ERCC2: variants seen among roughly 807,000 people sequenced by gnomAD.
ERCC2 encodes the protein ERCC excision repair 2, TFIIH core complex helicase subunit.
Under a neutral mutation model 99.4 loss-of-function variants are expected in ERCC2, and 90 were observed. The ratio of observed to expected loss-of-function variants is 0.91; its 90% CI spans 0.76 to 1.08. ERCC2 has a LOEUF of 1.08. ERCC2 is among the 50% of genes least tolerant of loss of function. ERCC2 has a pLI of 0.00. For synonymous variants in ERCC2, 497 were observed against 432.4 expected (o/e 1.15, Z -1.85); for missense variants, 993 against 1,038.1 (o/e 0.96, Z 0.60).
At chr19:45,357,589 G>T in intron 13 of ERCC2, 41 bp downstream of exon 13, 1 of 1,613,450 alleles carries the variant, frequency 6.2e-7, no homozygotes, top group South Asian at 1.1e-5. Context: ...CTGGGCCCCC[G>T]ACCCACAGAG....
At chr19:45,366,461 C>T (rs1161210492) in intron 5 of ERCC2, among the ~76,000 whole-genome samples, 2 of 152,120 alleles carry the variant, frequency 1.3e-5, no homozygotes, top group Non-Finnish European at 2.9e-5. Flanking sequence ...TATTTTAAAA[C>T]AATAAGCCTG....
At chr19:45,363,716 C>T (rs775388648) in intron 11 of ERCC2, 27 bp downstream of exon 11, 3 of 1,523,224 alleles carry the variant, frequency 2.0e-6, no homozygotes, top group African/African-American at 1.4e-5. Context: ...GCCGGGCCCC[C>T]ACCCCGCGCG....
intron 16 of ERCC2, 71 bp from the exon 17 acceptor site, chr19:45,354,922 G>C: frequency 6.2e-7 from 1 of 1,603,030 alleles, no homozygotes; most frequent in South Asian, 1.1e-5. Flanking sequence ...AGAACTAGGA[G>C]TTTCTGGAAA....
chr19:45,355,474 A>G (rs1568534626), intron 16 of ERCC2, among the ~76,000 whole-genome samples, 191 bp downstream of exon 16: 2 of 152,246 alleles, frequency 1.3e-5, no homozygotes, highest in African/African-American at 2.4e-5. Context: ...CCAGCGGTGG[A>G]GGTTCCCAGG....
intron 11 of ERCC2, among the ~76,000 whole-genome samples, chr19:45,363,261 C>T (rs1285249499): frequency 6.6e-6 from 1 of 152,142 alleles, no homozygotes; most frequent in East Asian, 1.9e-4. Context: ...AGATTAGAGG[C>T]ATCGGTGGGA....
chr19:45,363,395 T>C (rs976920146), intron 11 of ERCC2, among the ~76,000 whole-genome samples: 5 of 152,108 alleles, frequency 3.3e-5, no homozygotes, highest in African/African-American at 7.2e-5. Flanking sequence ...ACTCCCTCCC[T>C]GCCGCTGTGG....
In ERCC2 at chr19:45,352,182, G is replaced by T; in HGVS notation, c.2190+27C>A. ...TGGAGGAGAAGCTCAGCCTGGGAGGGTGCCGGGAGGGGGACGCAGGCCTCA... is the reference window on the plus strand; with the variant it reads ...TGGAGGAGAAGCTCAGCCTGGGAGGTTGCCGGGAGGGGGACGCAGGCCTCA... On this transcript the variant is annotated intron_variant, in intron 22 of 22. Coordinates refer to ENST00000391945, the MANE Select transcript of ERCC2 (RefSeq NM_000400.4). The T allele has an allele frequency of 2.5e-6, 4 of 1,611,992 alleles. No individual in the cohort carries two copies. In the South Asian group the frequency reaches 4.4e-5, roughly 18 times the overall value.
Position 45,350,845 on chromosome 19 carries a change from C to T in ERCC2, c.*784G>A. On this transcript the variant is annotated 3_prime_UTR_variant, in exon 23 of 23. Coordinates refer to ENST00000391945, the MANE Select transcript of ERCC2 (RefSeq NM_000400.4). Reference sequence around the variant, plus strand: ...TCTTGCTCAAGAACCTTCCATGGCTCCCATCTCCCCTGTGATACACACAGA... The same window carrying T: ...TCTTGCTCAAGAACCTTCCATGGCTTCCATCTCCCCTGTGATACACACAGA... 1 of 1,318,344 alleles carries T rather than the reference C, an allele frequency of 7.6e-7. No individual in the cohort carries two copies. The highest frequency in any genetic ancestry group is 1.1e-6 in the Non-Finnish European group (1 of 931,264). The allele number at this position is 1,318,344 out of a possible 1,614,324, so 81.7% of individuals were successfully genotyped here.
At position 45,352,660 on chromosome 19, in the gene ERCC2, G is replaced by A. The variant is rs370777762; in HGVS notation, c.1903-11C>T. ...GTATTCCAGCCGCGCCTGCAGATACGGAGGATGAGAAGCTGGGGAGGTGGG... is the reference window on the plus strand; with the variant it reads ...GTATTCCAGCCGCGCCTGCAGATACAGAGGATGAGAAGCTGGGGAGGTGGG... On this transcript the variant is annotated splice_polypyrimidine_tract_variant and intron_variant, in intron 20 of 22. Transcript: ENST00000391945. 157 of 1,613,866 alleles carry A rather than the reference G, an allele frequency of 9.7e-5. No homozygotes were observed. The highest frequency in any genetic ancestry group is 8.4e-4 in the African/African-American group (63 of 74,920).
In ERCC2 at chr19:45,350,629, G is replaced by GC. The variant is rs776818817; in HGVS notation, c.*999dup. 2.5e-6 allele frequency: 4 copies of GC among 1,613,134 alleles called. No homozygotes were observed. Among genetic ancestry groups the GC allele is most frequent in the Non-Finnish European group, 3.4e-6 (4 of 1,179,302 alleles). ...CCTGGGGGACTGAGCAGCATCCCCGGCCCCTCCCCAGGCCCTTCGCCGCAG... is the reference window on the plus strand; with the variant it reads ...CCTGGGGGACTGAGCAGCATCCCCGGCCCCCTCCCCAGGCCCTTCGCCGCAG... On this transcript the variant is annotated 3_prime_UTR_variant, in exon 23 of 23. Coordinates refer to ENST00000391945, the MANE Select transcript of ERCC2 (RefSeq NM_000400.4).
chr19:45,361,935 T>C (rs528883145), intron 11 of ERCC2: 3 of 298,416 alleles, frequency 1.0e-5, no homozygotes, highest in Middle Eastern at 5.2e-4. Context: ...CTTTTTTTCT[T>C]TTTCTTTTTT....
chr19:45,350,541 A>C lies in ERCC2; in HGVS notation c.*1088T>G. 1 of 1,613,738 alleles carries C rather than the reference A, an allele frequency of 6.2e-7. No homozygotes were observed. Among genetic ancestry groups the C allele is most frequent in the Non-Finnish European group, 8.5e-7 (1 of 1,179,928 alleles). The stretch of plus-strand genomic sequence containing the variant: ...GCCCCCAACACAGGCACAGCTGGTG[A>C]CGCAGAACAGGTGAGGATGGGCTGT... On this transcript the variant is annotated 3_prime_UTR_variant, in exon 23 of 23. Transcript: ENST00000391945.
intron 1 of ERCC2, 57 bp downstream of exon 1, chr19:45,370,479 C>A: frequency 1.9e-6 from 3 of 1,552,170 alleles, no homozygotes; most frequent in Non-Finnish European, 2.6e-6. Flanking sequence ...ACCGATGACC[C>A]CATCTTCAAG....
At chr19:45,362,264 C>T (rs575637201) in intron 11 of ERCC2, among the ~76,000 whole-genome samples, 4 of 152,278 alleles carry the variant, frequency 2.6e-5, no homozygotes, top group Admixed American at 1.3e-4. Context: ...CACAATCACA[C>T]CCAGAACCCC....
At chr19:45,361,115 G>T (rs1439008834) in intron 12 of ERCC2, among the ~76,000 whole-genome samples, 4 of 147,384 alleles carry the variant, frequency 2.7e-5, no homozygotes, top group Non-Finnish European at 6.0e-5. Flanking sequence ...TGGCAACAGA[G>T]CAAGACTCCG....
intron 12 of ERCC2, among the ~76,000 whole-genome samples, chr19:45,359,092 G>A (rs1425389250): frequency 2.0e-5 from 3 of 152,170 alleles, no homozygotes; most frequent in Non-Finnish European, 4.4e-5. Context: ...GACTGAGAGT[G>A]GGCAGTGCTG....
At position 45,351,049 on chromosome 19, in the gene ERCC2, A is replaced by G. The variant is rs781539432; in HGVS notation, c.*580T>C. The G allele has an allele frequency of 6.2e-7, 1 of 1,613,930 alleles. No individual in the cohort carries two copies. The highest frequency in any genetic ancestry group is 8.5e-7 in the Non-Finnish European group (1 of 1,179,894). The stretch of plus-strand genomic sequence containing the variant: ...GGGACATCTGGGTCAAAAATAGAGG[A>G]GGCCATGTGGGTAGGTGCAGAGATG... On this transcript the variant is annotated 3_prime_UTR_variant, in exon 23 of 23. Coordinates refer to ENST00000391945, the MANE Select transcript of ERCC2 (RefSeq NM_000400.4).
chr19:45,366,933 G>C (rs764155063), intron 5 of ERCC2, among the ~76,000 whole-genome samples: 1 of 152,180 alleles, frequency 6.6e-6, no homozygotes, highest in Non-Finnish European at 1.5e-5. Flanking sequence ...TACTCAGGAA[G>C]CTGAGGCAGA....
Position 45,352,213 on chromosome 19 carries a change from T to C in ERCC2, c.2186A>G (p.His729Arg), listed in dbSNP as rs899369122. 1 of 1,613,396 alleles carries C rather than the reference T, an allele frequency of 6.2e-7. No individual in the cohort carries two copies. Among genetic ancestry groups the C allele is most frequent in the African/African-American group, 1.3e-5 (1 of 74,840 alleles). ...GGAGGGGGACGCAGGCCTCACCCGG[T>C]GGAAGGGCTGTGCCATCTGCCGCAG... ...YFLRQMAQPF[H>R]REDQLGLSLL... Residue 729 changes from histidine (H) to arginine (R), a missense_variant, in exon 22 of 23, where the codon CAC becomes CGC. Transcript: ENST00000391945.
Sources: gnomAD v4.1 joint callset for allele counts (sites outside exome capture counted in the v4.1 genomes callset) on GRCh38, gnomAD v4.1.1 for gene constraint, MANE v1.5 for transcripts, NCBI Gene and HGNC (gene_info 2026-07-23, HGNC 2026-07-21) for gene names.